PSAP: variants seen among roughly 807,000 people sequenced by gnomAD.
The protein encoded by PSAP is precursor of saposins.
Under a neutral mutation model 66.0 loss-of-function variants are expected in PSAP, and 25 were observed. The ratio of observed to expected loss-of-function variants is 0.38; its 90% CI spans 0.28 to 0.53. The LOEUF is 0.53. Ranked by LOEUF, PSAP falls within the 20% of genes least tolerant of loss-of-function variation. The probability of loss-of-function intolerance (pLI) is 0.83; values close to 1 mark genes in which losing one functional copy is unlikely to be tolerated. For missense variants in PSAP, 649 were observed against 668.8 expected, an observed-to-expected ratio of 0.97 and a Z score of 0.33; for synonymous variants, 273 against 258.9, an observed-to-expected ratio of 1.05 and a Z score of -0.52.
intron 1 of PSAP, among the ~76,000 whole-genome samples, chr10:71,843,803 T>A (rs951373433): frequency 2.6e-5 from 4 of 152,204 alleles, no homozygotes; most frequent in Admixed American, 2.6e-4. Context: ...GTGGAAAAAC[T>A]GGTAAAAATC....
intron 1 of PSAP, among the ~76,000 whole-genome samples, chr10:71,849,219 G>C (rs1210266227): frequency 6.6e-6 from 1 of 152,150 alleles, no homozygotes; most frequent in Non-Finnish European, 1.5e-5. Context: ...AAATCAAAAT[G>C]ATTTTTTTAT....
At chr10:71,832,754 G>A (rs1842544323) in intron 2 of PSAP, among the ~76,000 whole-genome samples, 1 of 152,092 alleles carries the variant, frequency 6.6e-6, no homozygotes, top group Non-Finnish European at 1.5e-5. Flanking sequence ...GAGAGGGCCG[G>A]GCCGGGCGTG....
intron 1 of PSAP, among the ~76,000 whole-genome samples, chr10:71,847,997 T>C (rs79910887): frequency 0.087 from 13,256 of 152,236 alleles, 782 homozygotes; most frequent in African/African-American, 0.16. Flanking sequence ...CATCTAAGCT[T>C]CAGGGAGCAC....
rs958206407 is a variant in PSAP at position 71,851,211 on chromosome 10, A to G, written c.11T>C (p.Leu4Pro). The G allele has an allele frequency of 2.0e-5, 31 of 1,551,020 alleles. No homozygotes were observed. Among genetic ancestry groups the G allele is most frequent in the Non-Finnish European group, 2.5e-5 (29 of 1,146,860 alleles). MYALFLLASLLGAA... is the reference protein window; with the variant it reads MYAPFLLASLLGAA... ...GCCCAGGAGGCTGGCCAGGAGGAAGAGGGCGTACATAGCGCCGTCTGACTC... is the reference window on the plus strand; with the variant it reads ...GCCCAGGAGGCTGGCCAGGAGGAAGGGGGCGTACATAGCGCCGTCTGACTC... Residue 4 changes from leucine (L) to proline (P), a missense_variant, in exon 1 of 14, where the codon CTC (leucine) becomes CCC (proline). Transcript: ENST00000394936.
chr10:71,834,358 G>A lies in PSAP; in HGVS notation c.174+14C>T. The stretch of plus-strand genomic sequence containing the variant: ...GGAGTGCTGCGGCTGGGACTGGAGG[G>A]CAGCGGCACTCACCACTGTTGGCTT... On this transcript the variant is annotated intron_variant, in intron 2 of 13. Coordinates refer to ENST00000394936, the MANE Select transcript of PSAP (RefSeq NM_002778.4). 2 of 1,613,214 alleles carry A rather than the reference G, an allele frequency of 1.2e-6. No individual in the cohort carries two copies. Among genetic ancestry groups the A allele is most frequent in the Non-Finnish European group, 8.5e-7 (1 of 1,180,012 alleles).
rs1842500238 is a variant in PSAP at position 71,830,994 on chromosome 10, T to C, written c.375+132A>G. 8 of 1,385,494 alleles carry C rather than the reference T, an allele frequency of 5.8e-6. No individual in the cohort carries two copies. In the South Asian group the frequency reaches 8.2e-5, roughly 14 times the overall value. The allele number at this position is 1,385,494 out of a possible 1,614,324, so 85.8% of individuals were successfully genotyped here. A position where few individuals can be genotyped will look rare whatever the true frequency, so the allele number is the denominator to read the frequency against. On this transcript the variant is annotated intron_variant, in intron 4 of 13. Transcript: ENST00000394936. ...CAAAGGAGCTATTCTGGATGTCAAA[T>C]TGTAGCAAAATGCTGTTGAGGAATT...
intron 8 of PSAP, 87 bp from the exon 9 acceptor site, chr10:71,820,422 AC>A: frequency 2.6e-6 from 3 of 1,133,200 alleles, no homozygotes; most frequent in African/African-American, 1.5e-5. Context: ...GGACACAGAG[AC>A]CAGGGTGGGT....
chr10:71,822,039 C>T, intron 7 of PSAP, 32 bp from the exon 8 acceptor site: 1 of 1,613,888 alleles, frequency 6.2e-7, no homozygotes, highest in Non-Finnish European at 8.5e-7. Flanking sequence ...CAGTCAGCAG[C>T]AAGCCTACGC....
intron 7 of PSAP, chr10:71,822,600 T>C (rs183126205): frequency 1.9e-5 from 9 of 472,212 alleles, no homozygotes; most frequent in Admixed American, 1.6e-4. Flanking sequence ...GGTCTCCAGA[T>C]TGATCCCCTT....
chr10:71,823,193 A>G (rs1842338759), intron 7 of PSAP, among the ~76,000 whole-genome samples: 1 of 152,324 alleles, frequency 6.6e-6, no homozygotes, highest in Middle Eastern at 3.4e-3. Context: ...GATGGATGCC[A>G]ACGCTCAGAG....
intron 1 of PSAP, among the ~76,000 whole-genome samples, chr10:71,847,593 CAA>C (rs1163862192): frequency 1.3e-5 from 2 of 151,168 alleles, no homozygotes; most frequent in East Asian, 1.9e-4. Context: ...CTCTCTCTCA[CAA>C]GAGAGAGCTG....
In PSAP at chr10:71,828,004, C is replaced by G. The variant is rs1842426975; in HGVS notation, c.720+10G>C. 1 of 1,614,140 alleles carries G rather than the reference C, an allele frequency of 6.2e-7. No homozygotes were observed. Among genetic ancestry groups the G allele is most frequent in the East Asian group, 2.2e-5 (1 of 44,892 alleles). ...AGAACATCCCCAATGCACAAGGACA[C>G]AAGGCTCACTATGTCGGCCATGCCA... is the stretch of plus-strand genomic sequence containing the variant. On this transcript the variant is annotated intron_variant, in intron 6 of 13. Coordinates refer to ENST00000394936, the MANE Select transcript of PSAP (RefSeq NM_002778.4).
At chr10:71,851,097 AG>A in intron 1 of PSAP, 84 bp downstream of exon 1, 1 of 1,473,032 alleles carries the variant, frequency 6.8e-7, no homozygotes, top group Non-Finnish European at 9.3e-7. Flanking sequence ...GGGGGAGCAG[AG>A]GGGCCAGGCC....
chr10:71,840,565 T>C (rs1361004826), intron 1 of PSAP, among the ~76,000 whole-genome samples: 2 of 152,254 alleles, frequency 1.3e-5, no homozygotes, highest in African/African-American at 2.4e-5. Flanking sequence ...CAGAATAGTA[T>C]ACGCTCAGAG....
chr10:71,830,762 C>A (rs552414283), intron 4 of PSAP, among the ~76,000 whole-genome samples: 249 of 152,274 alleles, frequency 1.6e-3, no homozygotes, highest in African/African-American at 5.7e-3. Context: ...CTGAATTATT[C>A]CTTGATTATA....
intron 8 of PSAP, 27 bp downstream of exon 8, chr10:71,821,849 A>C: frequency 6.2e-7 from 1 of 1,614,100 alleles, no homozygotes; most frequent in South Asian, 1.1e-5. Context: ...CACAGCCCTG[A>C]CCAGGACACA....
Position 71,819,126 on chromosome 10 carries a change from G to A in PSAP, c.1351-15C>T, listed in dbSNP as rs1434032411. ...AACTGATCACACTATAAAGGAAAGTGGGGACACAGGTCCAGCTCTGGGGGT... is the reference window on the plus strand; with the variant it reads ...AACTGATCACACTATAAAGGAAAGTAGGGACACAGGTCCAGCTCTGGGGGT... On this transcript the variant is annotated splice_polypyrimidine_tract_variant and intron_variant, in intron 11 of 13. Transcript: ENST00000394936. 21 of 1,609,270 alleles carry A rather than the reference G, an allele frequency of 1.3e-5. No individual in the cohort carries two copies. The highest frequency in any genetic ancestry group is 4.5e-5 in the East Asian group (2 of 44,850).
chr10:71,828,331 A>G (rs929230381), intron 5 of PSAP, among the ~76,000 whole-genome samples, 174 bp from the exon 6 acceptor site: 1 of 152,192 alleles, frequency 6.6e-6, no homozygotes, highest in Non-Finnish European at 1.5e-5. Flanking sequence ...CATTATAGTA[A>G]CAGTATGGTA....
intron 1 of PSAP, 121 bp from the exon 2 acceptor site, chr10:71,834,626 C>A: frequency 7.5e-7 from 1 of 1,328,510 alleles, no homozygotes; most frequent in Non-Finnish European, 1.0e-6. Flanking sequence ...CAGCCCCTCA[C>A]CAAGCTGTAT....
Sources: gnomAD v4.1 joint callset for allele counts (sites outside exome capture counted in the v4.1 genomes callset) on GRCh38, gnomAD v4.1.1 for gene constraint, MANE v1.5 for transcripts, NCBI Gene and HGNC (gene_info 2026-07-23, HGNC 2026-07-21) for gene names.